CES3: variants seen among roughly 807,000 people sequenced by gnomAD.
The protein encoded by CES3 is carboxylesterase 3 (brain).
In CES3, 49 loss-of-function variants were observed where a neutral mutation model predicts 57.6. The ratio of observed to expected loss-of-function variants is 0.85; its 90% confidence interval spans 0.68 to 1.08. The LOEUF (loss-of-function observed/expected upper bound fraction) is 1.08. Ranked by LOEUF, CES3 falls within the 50% of genes least tolerant of loss-of-function variation. The probability of loss-of-function intolerance (pLI) is 0.00; values close to 1 mark genes in which losing one functional copy is unlikely to be tolerated. For synonymous variants in CES3, 266 were observed against 281.6 expected, an observed-to-expected ratio of 0.94 and a Z score of 0.55; for missense variants, 645 against 742.0, an observed-to-expected ratio of 0.87 and a Z score of 1.52.
intron 8 of CES3, among the ~76,000 whole-genome samples, 200 bp downstream of exon 8, chr16:66,967,065 T>A (rs928354392): frequency 6.7e-6 from 1 of 149,852 alleles, no homozygotes; most frequent in African/African-American, 2.5e-5. Flanking sequence ...TTTTGCTTTT[T>A]TTTTTCTGTT....
At chr16:66,969,570 C>A in intron 8 of CES3, 109 bp from the exon 9 acceptor site, 1 of 1,066,146 alleles carries the variant, frequency 9.4e-7, no homozygotes, top group Non-Finnish European at 1.4e-6. Flanking sequence ...GCCAAGTGCT[C>A]CATGATGAGT....
intron 10 of CES3, 102 bp from the exon 11 acceptor site, chr16:66,972,254 A>G: frequency 8.4e-7 from 1 of 1,190,042 alleles, no homozygotes; most frequent in Non-Finnish European, 1.2e-6. Context: ...CATCATCATC[A>G]TCATCATCAT....
chr16:66,968,186 T>C (rs1233013154), intron 8 of CES3, among the ~76,000 whole-genome samples: 1 of 152,046 alleles, frequency 6.6e-6, no homozygotes, highest in Non-Finnish European at 1.5e-5. Flanking sequence ...TGAGATGGAG[T>C]TTTGCTCTTG....
chr16:66,968,826 A>C (rs758776808), intron 8 of CES3, among the ~76,000 whole-genome samples: 1 of 152,108 alleles, frequency 6.6e-6, no homozygotes, highest in Non-Finnish European at 1.5e-5. Context: ...AGGCACGAGA[A>C]TCACTTGAAC....
chr16:66,961,607 A>T (rs554488149), intron 1 of CES3, among the ~76,000 whole-genome samples: 1 of 152,270 alleles, frequency 6.6e-6, no homozygotes, highest in East Asian at 1.9e-4. Flanking sequence ...CTTGTTACCC[A>T]GGCTGGAGTG....
At position 66,974,368 on chromosome 16, in the gene CES3, T is replaced by G. The variant is rs563216417; in HGVS notation, c.*1319T>G. 2 of 152,182 alleles carry G rather than the reference T, an allele frequency of 1.3e-5. No homozygotes were observed. The highest frequency in any genetic ancestry group is 2.4e-5 in the African/African-American group (1 of 41,422). 9.4% of individuals were successfully genotyped at this position (152,182 alleles called of 1,614,324 possible). A position where few individuals can be genotyped will look rare whatever the true frequency, so the allele number is the denominator to read the frequency against. Reference sequence around the variant, plus strand: ...GGGCGTGGGCTCGGCGGGGCCCCACTCAGAGCAGCTGGCCGGCCCCAGGCA... The same window carrying G: ...GGGCGTGGGCTCGGCGGGGCCCCACGCAGAGCAGCTGGCCGGCCCCAGGCA... On this transcript the variant is annotated 3_prime_UTR_variant, in exon 13 of 13. Coordinates refer to ENST00000303334, the MANE Select transcript of CES3 (RefSeq NM_024922.6).
intron 7 of CES3, 120 bp from the exon 8 acceptor site, chr16:66,966,605 C>A: frequency 1.5e-6 from 2 of 1,304,226 alleles, no homozygotes; most frequent in Non-Finnish European, 2.2e-6. Context: ...TGGTGATCTT[C>A]ATCCCTTCAC....
rs1296523500 is a variant in CES3, at chr16:66,966,838, C to A, written c.1035C>A (p.Asn345Lys). ...TGCCCTTCCTCATGGGTGTCAACAA[C>A]CATGAGTTCAGCTGGCTCATCCCCA... ...HSVPFLMGVN[N>K]HEFSWLIPRG... is the part of the protein sequence containing the mutation. Residue 345 changes from asparagine to lysine, a missense_variant, in exon 8 of 13, where the codon AAC (asparagine) becomes AAA (lysine). By Grantham distance (94) the Asn-to-Lys change is moderately conservative (BLOSUM62 0). Transcript: ENST00000303334. 5 of 1,614,012 alleles carry A rather than the reference C, an allele frequency of 3.1e-6. No individual in the cohort carries two copies. The Admixed American group carries it at 6.7e-5, about 22-fold the overall frequency.
At position 66,972,398 on chromosome 16, in the gene CES3, C is replaced by T. The variant is rs200322948; in HGVS notation, c.1334C>T (p.Pro445Leu). ...PVFFYEFQHRPSSFAKIKPAW... is the reference protein window; with the variant it reads ...PVFFYEFQHRLSSFAKIKPAW... ...TTTTTCTATGAGTTCCAGCATCGACCCAGTTCTTTTGCGAAGATCAAACCT... is the reference window on the plus strand; with the variant it reads ...TTTTTCTATGAGTTCCAGCATCGACTCAGTTCTTTTGCGAAGATCAAACCT... The change falls in exon 11 of 13, where the codon CCC (proline) becomes CTC (leucine). Residue 445 changes from proline (P) to leucine (L), a missense_variant. Coordinates refer to ENST00000303334, the MANE Select transcript of CES3 (RefSeq NM_024922.6). 1,183 of 1,613,056 alleles carry T rather than the reference C, an allele frequency of 7.3e-4. No individual in the cohort carries two copies. Among genetic ancestry groups the T allele is most frequent in the Non-Finnish European group, 9.5e-4 (1,115 of 1,179,578 alleles).
intron 8 of CES3, among the ~76,000 whole-genome samples, chr16:66,967,070 T>G (rs1056553868): frequency 6.0e-5 from 9 of 148,962 alleles, no homozygotes; most frequent in African/African-American, 2.3e-4. Flanking sequence ...CTTTTTTTTT[T>G]CTGTTTTTGT....
rs920016702 is a variant in CES3 at position 66,974,886 on chromosome 16, C to G, written c.*1837C>G. The G allele has an allele frequency of 2.0e-5, 3 of 152,168 alleles. No homozygotes were observed. The highest frequency in any genetic ancestry group is 7.2e-5 in the African/African-American group (3 of 41,394). 9.4% of individuals were successfully genotyped at this position (152,168 alleles called of 1,614,324 possible). A position where few individuals can be genotyped will look rare whatever the true frequency, so the allele number is the denominator to read the frequency against. ...TGGGGACTTGGAGAACCTTTGTGTC[C>G]ACACTCTGTATCTAGCTAATCTAGT... On this transcript the variant is annotated 3_prime_UTR_variant, in exon 13 of 13. Coordinates refer to ENST00000303334, the MANE Select transcript of CES3 (RefSeq NM_024922.6).
intron 9 of CES3, among the ~76,000 whole-genome samples, chr16:66,970,806 G>A (rs1963818978): frequency 6.6e-6 from 1 of 152,194 alleles, no homozygotes; most frequent in Admixed American, 6.5e-5. Flanking sequence ...CTGCCCTCTG[G>A]AGCTGAGGGG....
In CES3 at chr16:66,973,706, C is replaced by T. The variant is rs1963884656; in HGVS notation, c.*657C>T. ...GTCCTGGGGCGCCAGGGGATCCAGC[C>T]TAGAGCAGACCTTAGCCCCTGACTA... On this transcript the variant is annotated 3_prime_UTR_variant, in exon 13 of 13. Transcript: ENST00000303334. The T allele has an allele frequency of 6.5e-6, 1 of 153,568 alleles. No homozygotes were observed. Among genetic ancestry groups the T allele is most frequent in the Admixed American group, 6.5e-5 (1 of 15,434 alleles). 9.5% of individuals were successfully genotyped at this position (153,568 alleles called of 1,614,324 possible).
chr16:66,971,360 G>T, intron 10 of CES3, 41 bp downstream of exon 10: 2 of 1,594,686 alleles, frequency 1.3e-6, no homozygotes, highest in South Asian at 2.3e-5. Flanking sequence ...CCTCCCACTT[G>T]GGCCCAGGAG....
intron 7 of CES3, 118 bp downstream of exon 7, chr16:66,966,463 AG>A (rs1405130433): frequency 9.6e-7 from 1 of 1,039,322 alleles, no homozygotes; most frequent in African/African-American, 1.6e-5. Flanking sequence ...GCAGCTCATG[AG>A]GGGAAGGGGC....
chr16:66,972,367 CCTGT>C lies in CES3; in HGVS notation c.1306_1309del (p.Val436PhefsTer20). 6.2e-7 allele frequency: 1 copy of C among 1,601,176 alleles called. No individual in the cohort carries two copies. The highest frequency in any genetic ancestry group is 1.1e-5 in the South Asian group (1 of 89,146). ...TCCTTTCTCTGTAGATTCTGGAAGC[CCTGT>C]CTTTTTCTATGAGTTCCAGCATCGA... On this transcript the variant is annotated frameshift_variant, in exon 11 of 13. Coordinates refer to ENST00000303334, the MANE Select transcript of CES3 (RefSeq NM_024922.6). LOFTEE classifies it high-confidence loss of function.
chr16:66,969,182 G>C (rs1963788183), intron 8 of CES3, among the ~76,000 whole-genome samples: 1 of 152,220 alleles, frequency 6.6e-6, no homozygotes, highest in Admixed American at 6.5e-5. Context: ...AAGGCAGGCG[G>C]ATCACTCAAG....
rs147731637 is a variant in CES3, at chr16:66,964,649, G to C, written c.741G>C (p.Leu247=). 2.5e-6 allele frequency: 4 copies of C among 1,614,116 alleles called. No individual in the cohort carries two copies. The South Asian group carries it at 3.3e-5, about 13-fold the overall frequency. Residue 247 remains leucine, a synonymous_variant, in exon 6 of 13, where the codon CTG becomes CTC. Coordinates refer to ENST00000303334, the MANE Select transcript of CES3 (RefSeq NM_024922.6). ...GLVLSPVAAG[L]FHRAITQSGV... is the part of the protein sequence containing the mutation. ...TCCTGTCCCCAGTGGCTGCAGGGCT[G>C]TTCCACAGAGCCATCACACAGAGTG...
chr16:66,971,221 G>A lies in CES3; in HGVS notation c.1193G>A (p.Ser398Asn). 1 of 1,614,126 alleles carries A rather than the reference G, an allele frequency of 6.2e-7. No homozygotes were observed. The highest frequency in any genetic ancestry group is 8.5e-7 in the Non-Finnish European group (1 of 1,179,996). ...MPTVIDEYLGSNSDAQAKCQA... is the reference protein window; with the variant it reads ...MPTVIDEYLGNNSDAQAKCQA... ...ACCGTCATAGATGAATACCTAGGAAGCAACTCGGACGCACAAGCCAAATGC... is the reference window on the plus strand; with the variant it reads ...ACCGTCATAGATGAATACCTAGGAAACAACTCGGACGCACAAGCCAAATGC... Residue 398 changes from serine to asparagine, a missense_variant, in exon 10 of 13, where the codon AGC becomes AAC. By Grantham distance (46) the Ser-to-Asn change is conservative. Coordinates refer to ENST00000303334, the MANE Select transcript of CES3 (RefSeq NM_024922.6).
Sources: gnomAD v4.1 joint callset for allele counts (sites outside exome capture counted in the v4.1 genomes callset) on GRCh38, gnomAD v4.1.1 for gene constraint, MANE v1.5 for transcripts, NCBI Gene and HGNC (gene_info 2026-07-23, HGNC 2026-07-21) for gene names.